PERP: variants seen among roughly 807,000 people sequenced by gnomAD.
The protein encoded by PERP is p53 apoptosis effector related to PMP-22.
PERP carries 11 observed loss-of-function variants against 20.3 expected under a neutral mutation model. That is an observed-to-expected ratio of 0.54 (90% CI 0.34 to 0.90). The LOEUF (loss-of-function observed/expected upper bound fraction) is 0.90, where lower values mean the gene tolerates loss of function less well. PERP is among the 40% of genes least tolerant of loss of function. The probability of loss-of-function intolerance (pLI) is 0.02; values close to 1 mark genes in which losing one functional copy is unlikely to be tolerated. For synonymous variants in PERP, 101 were observed against 102.0 expected, an observed-to-expected ratio of 0.99 and a Z score of 0.06; for missense variants, 224 against 249.4, an observed-to-expected ratio of 0.90 and a Z score of 0.69.
intron 1 of PERP, among the ~76,000 whole-genome samples, 186 bp from the exon 2 acceptor site, chr6:138,096,680 G>A (rs1215480330): frequency 6.6e-6 from 1 of 152,156 alleles, no homozygotes; most frequent in Non-Finnish European, 1.5e-5. Context: ...CAATTCATAT[G>A]TAGGACATTA....
intron 1 of PERP, among the ~76,000 whole-genome samples, chr6:138,101,516 C>T (rs1775773168): frequency 6.6e-6 from 1 of 152,164 alleles, no homozygotes. Context: ...CAAAGGTAGT[C>T]CTCCTCTTCA....
chr6:138,106,613 A>G (rs1466698996), intron 1 of PERP, among the ~76,000 whole-genome samples: 1 of 152,256 alleles, frequency 6.6e-6, no homozygotes, highest in Non-Finnish European at 1.5e-5. Flanking sequence ...TGAAATATCT[A>G]TTGAAAACGT....
intron 1 of PERP, among the ~76,000 whole-genome samples, chr6:138,097,058 T>A (rs1775704820): frequency 1.3e-5 from 2 of 152,362 alleles, no homozygotes; most frequent in South Asian, 4.1e-4. Flanking sequence ...AACAAGCTTA[T>A]AACTAGCTTA....
intron 2 of PERP, among the ~76,000 whole-genome samples, chr6:138,092,799 A>G (rs924987692): frequency 1.4e-4 from 21 of 152,194 alleles, no homozygotes; most frequent in African/African-American, 4.8e-4. Context: ...GAAACAATGA[A>G]CTAATATTGA....
chr6:138,099,083 C>T (rs1775737338), intron 1 of PERP, among the ~76,000 whole-genome samples: 1 of 152,144 alleles, frequency 6.6e-6, no homozygotes, highest in African/African-American at 2.4e-5. Flanking sequence ...AAAGTACAGC[C>T]CATAGACCAC....
chr6:138,107,107 CG>C lies in PERP; in HGVS notation c.214+19del, dbSNP rs531067123. On this transcript the variant is annotated intron_variant, in intron 1 of 2. Transcript: ENST00000421351. The surrounding 1 kb of genome is among the most constrained non-coding windows in gnomAD (Gnocchi z 4.8). ...GAGGGCTTCCTGGAGGCGGCGACGG[CG>C]GCGGCGGCGGGCACTCACCGTACTC... The C allele has an allele frequency of 2.2e-3, 3,385 of 1,573,722 alleles. 3 individuals are homozygous for C. Among genetic ancestry groups the C allele is most frequent in the Non-Finnish European group, 2.7e-3 (3,116 of 1,161,216 alleles).
In PERP at chr6:138,092,111, G is replaced by A. The variant is rs1258125628; in HGVS notation, c.513C>T (p.Cys171=). The A allele has an allele frequency of 6.2e-7, 1 of 1,614,118 alleles. No homozygotes were observed. The highest frequency in any genetic ancestry group is 1.3e-5 in the African/African-American group (1 of 75,054). Residue 171 remains cysteine, a synonymous_variant, in exon 3 of 3, where the codon TGC becomes TGT. Transcript: ENST00000421351. The part of the protein sequence containing the change: ...IILIGCAFFF[C]CLPNYEDDLL... ...GGTCATCTTCGTAGTTGGGGAGGCA[G>A]CAGAAGAAGAAGGCACAGCCAATCA...
chr6:138,105,575 C>T (rs1259000594), intron 1 of PERP, among the ~76,000 whole-genome samples: 1 of 152,170 alleles, frequency 6.6e-6, no homozygotes, highest in Non-Finnish European at 1.5e-5. Context: ...AATCATGTCC[C>T]GTCAGTAGCA....
intron 1 of PERP, among the ~76,000 whole-genome samples, chr6:138,097,788 A>G (rs192581091): frequency 0.013 from 1,956 of 152,302 alleles, 46 homozygotes; most frequent in Admixed American, 0.054. Context: ...TTTAAAGTGT[A>G]TAATTCAGTG....
At position 138,096,506 on chromosome 6, in the gene PERP, AAAG is replaced by A. The variant is rs1428011477; in HGVS notation, c.215-15_215-13del. 1 of 1,602,994 alleles carries A rather than the reference AAAG, an allele frequency of 6.2e-7. No homozygotes were observed. The highest frequency in any genetic ancestry group is 8.5e-7 in the Non-Finnish European group (1 of 1,175,438). ...TGCTCTACCCCACGCTGCAAGAAAAAAAGAAACAGCAATTAACAAGACAGACAT... is the reference window on the plus strand; with the variant it reads ...TGCTCTACCCCACGCTGCAAGAAAAAAAACAGCAATTAACAAGACAGACAT... On this transcript the variant is annotated splice_polypyrimidine_tract_variant and intron_variant, in intron 1 of 2. Coordinates refer to ENST00000421351, the MANE Select transcript of PERP (RefSeq NM_022121.5).
At chr6:138,095,564 C>G (rs1775672945) in intron 2 of PERP, among the ~76,000 whole-genome samples, 1 of 152,188 alleles carries the variant, frequency 6.6e-6, no homozygotes, top group Non-Finnish European at 1.5e-5. Flanking sequence ...TAAGCCTAAA[C>G]TGGTAAGAAA....
chr6:138,106,528 C>T (rs1775843623), intron 1 of PERP, among the ~76,000 whole-genome samples: 1 of 152,190 alleles, frequency 6.6e-6, no homozygotes, highest in Non-Finnish European at 1.5e-5. Flanking sequence ...TTCTAAACAA[C>T]AATGCCATGC....
Position 138,107,095 on chromosome 6 carries a change from AGGCGGCGACGGCGGC to A in PERP, c.214+17_214+31del. The A allele has an allele frequency of 6.4e-7, 1 of 1,574,314 alleles. No individual in the cohort carries two copies. Among genetic ancestry groups the A allele is most frequent in the Non-Finnish European group, 8.6e-7 (1 of 1,161,198 alleles). On this transcript the variant is annotated intron_variant, in intron 1 of 2. Coordinates refer to ENST00000421351, the MANE Select transcript of PERP (RefSeq NM_022121.5). The surrounding 1 kb of genome is among the most constrained non-coding windows in gnomAD (Gnocchi z 4.8). ...GGCCGCGGCCCCGAGGGCTTCCTGG[AGGCGGCGACGGCGGC>A]GGCGGCGGGCACTCACCGTACTCCA...
chr6:138,093,034 C>G (rs376040235), intron 2 of PERP, among the ~76,000 whole-genome samples: 18 of 152,260 alleles, frequency 1.2e-4, no homozygotes, highest in African/African-American at 4.1e-4. Context: ...CACATTATTA[C>G]AATTATTAAT....
chr6:138,102,777 C>T (rs1193348347), intron 1 of PERP, among the ~76,000 whole-genome samples: 1 of 152,124 alleles, frequency 6.6e-6, no homozygotes, highest in African/African-American at 2.4e-5. Flanking sequence ...TGTGTAAGAA[C>T]TTGAATGCAT....
chr6:138,105,272 A>C (rs1775825520), intron 1 of PERP, among the ~76,000 whole-genome samples: 1 of 152,262 alleles, frequency 6.6e-6, no homozygotes, highest in Admixed American at 6.5e-5. Flanking sequence ...CCACTTAGAA[A>C]ATCGAGCTTT....
Position 138,092,619 on chromosome 6 carries a change from A to AT in PERP, c.356-352dup, listed in dbSNP as rs546286968. The stretch of plus-strand genomic sequence containing the variant: ...AAAGCAGGACAGTAAAGAACAACCT[A>AT]TTTTTTTCATCTTTGTGTTTCCTAT... On this transcript the variant is annotated intron_variant, in intron 2 of 2. Coordinates refer to ENST00000421351, the MANE Select transcript of PERP (RefSeq NM_022121.5). Among the ~76,000 whole-genome samples the AT allele has an allele frequency of 2.3e-3, 357 of 152,190 alleles. 2 individuals carry two copies. The highest frequency in any genetic ancestry group is 4.7e-3 in the Admixed American group (72 of 15,290).
intron 2 of PERP, among the ~76,000 whole-genome samples, chr6:138,093,710 T>A (rs1339368959): frequency 6.6e-6 from 1 of 152,176 alleles, no homozygotes; most frequent in Non-Finnish European, 1.5e-5. Context: ...TTGGATTAAT[T>A]TCTGCCAAAT....
chr6:138,103,351 C>T (rs1775801864), intron 1 of PERP, among the ~76,000 whole-genome samples: 1 of 151,882 alleles, frequency 6.6e-6, no homozygotes, highest in African/African-American at 2.4e-5. Context: ...GGGGTTTTAC[C>T]ATGTTGGCCA....
Sources: allele counts gnomAD v4.1 joint callset (sites outside exome capture counted in the v4.1 genomes callset), GRCh38; gene constraint gnomAD v4.1.1; non-coding constraint Gnocchi (gnomAD v3.1); transcripts MANE v1.5; gene names NCBI Gene and HGNC (gene_info 2026-07-23, HGNC 2026-07-21).